Variants in LACTB observed in about 807,000 individuals in gnomAD.
The protein encoded by LACTB is lactamase beta, also known as serine beta-lactamase-like protein LACTB, mitochondrial.
A neutral mutation model predicts 50.2 loss-of-function variants in LACTB; 35 were observed. That is an observed-to-expected ratio of 0.70 (90% CI 0.53 to 0.92). The LOEUF (loss-of-function observed/expected upper bound fraction) is 0.92, where lower values mean the gene tolerates loss of function less well. Ranked by LOEUF, LACTB falls within the 40% of genes least tolerant of loss-of-function variation. LACTB has a pLI of 0.00. For missense variants in LACTB, 664 were observed against 691.8 expected (o/e 0.96, Z 0.45); for synonymous variants, 252 against 268.2 (o/e 0.94, Z 0.59).
rs764053537 is a variant in LACTB, at chr15:63,141,633, G to A, written c.1472G>A (p.Gly491Asp). Residue 491 changes from glycine (G) to aspartate (D), a missense_variant, in exon 6 of 6, where the codon GGT becomes GAT. By Grantham distance (94) the Gly-to-Asp change is moderately conservative. Coordinates refer to ENST00000261893, the MANE Select transcript of LACTB (RefSeq NM_032857.5). ...HYASHTGGAV[G>D]ASSVLLVLPE... ...GCTTCACATACTGGAGGGGCAGTGG[G>A]TGCCAGTAGTGTCCTGCTGGTCCTT... is the stretch of plus-strand genomic sequence containing the variant. 1 of 1,614,084 alleles carries A rather than the reference G, an allele frequency of 6.2e-7. No individual in the cohort carries two copies. The highest frequency in any genetic ancestry group is 1.3e-5 in the African/African-American group (1 of 74,930).
chr15:63,125,297 A>G (rs1239575491), intron 2 of LACTB, among the ~76,000 whole-genome samples: 1 of 151,288 alleles, frequency 6.6e-6, no homozygotes, highest in Non-Finnish European at 1.5e-5. Context: ...CCTCCCGATT[A>G]GCTGGGATTA....
At chr15:63,139,538 A>G (rs1252908644) in intron 5 of LACTB, among the ~76,000 whole-genome samples, 1 of 152,202 alleles carries the variant, frequency 6.6e-6, no homozygotes, top group Non-Finnish European at 1.5e-5. Flanking sequence ...CTGTAATCCC[A>G]GCTACTCGGG....
rs141488054 is a variant in LACTB at position 63,138,919 on chromosome 15, C to T, written c.1119-2361C>T. Among the ~76,000 whole-genome samples the T allele has an allele frequency of 6.2e-3, 939 of 150,710 alleles. 5 individuals carry two copies. Among genetic ancestry groups the T allele is most frequent in the Non-Finnish European group, 9.3e-3 (631 of 67,722 alleles). ...TATATTAGCTGTGCGTGGTGGTGGG[C>T]GCCTGTAATCCCAGCTACTCAGGAG... On this transcript the variant is annotated intron_variant, in intron 5 of 5. Transcript: ENST00000261893.
chr15:63,126,410 C>T (rs1034564141), intron 2 of LACTB, among the ~76,000 whole-genome samples: 1 of 152,170 alleles, frequency 6.6e-6, no homozygotes, highest in African/African-American at 2.4e-5. Context: ...CCAAAGTGCT[C>T]AGATTATAGG....
At chr15:63,137,747 A>T (rs531434935) in intron 5 of LACTB, among the ~76,000 whole-genome samples, 1 of 152,176 alleles carries the variant, frequency 6.6e-6, no homozygotes, top group Non-Finnish European at 1.5e-5. Context: ...CCCGTTAACC[A>T]TCCCCCACCT....
intron 1 of LACTB, 34 bp from the exon 2 acceptor site, chr15:63,122,602 C>T: frequency 1.9e-6 from 3 of 1,555,950 alleles, no homozygotes; most frequent in Non-Finnish European, 2.7e-6. Context: ...TTCAGCAGGC[C>T]CGTAACTGTC....
intron 5 of LACTB, among the ~76,000 whole-genome samples, chr15:63,132,244 C>T (rs1021308528): frequency 6.6e-6 from 1 of 152,108 alleles, no homozygotes; most frequent in Admixed American, 6.5e-5. Context: ...CTCTTGTTTC[C>T]ATCTTTATGT....
chr15:63,132,333 C>T (rs12441822), intron 5 of LACTB, among the ~76,000 whole-genome samples: 13,325 of 152,200 alleles, frequency 0.088, 954 homozygotes, highest in Admixed American at 0.23. Flanking sequence ...CATTAATTCA[C>T]TTAGGATAAT....
In LACTB at chr15:63,127,641, A is replaced by G. The variant is rs142381405; in HGVS notation, c.904A>G (p.Ile302Val). ...TTTGAGAGAAAAGTTTGAAAATTCA[A>G]TTGAATCCCTAAGATTATTTAAAAA... is the stretch of plus-strand genomic sequence containing the variant. ...LYLREKFENSIESLRLFKNDP... is the reference protein window; with the variant it reads ...LYLREKFENSVESLRLFKNDP... The change falls in exon 4 of 6, where the codon ATT becomes GTT. Residue 302 changes from isoleucine (I) to valine (V), a missense_variant. Physicochemically the swap from Ile to Val is conservative, Grantham distance 29 (BLOSUM62 3). Coordinates refer to ENST00000261893, the MANE Select transcript of LACTB (RefSeq NM_032857.5). The G allele has an allele frequency of 1.9e-4, 309 of 1,608,716 alleles. No individual in the cohort carries two copies. Among genetic ancestry groups the G allele is most frequent in the African/African-American group, 7.1e-4 (53 of 74,836 alleles).
intron 5 of LACTB, among the ~76,000 whole-genome samples, chr15:63,139,915 G>A (rs1209617233): frequency 6.9e-6 from 1 of 144,674 alleles, no homozygotes; most frequent in African/African-American, 2.6e-5. Flanking sequence ...CTGGACAACA[G>A]TGAGACCTTC....
At chr15:63,124,837 T>G (rs112307277) in intron 2 of LACTB, among the ~76,000 whole-genome samples, 22 of 152,022 alleles carry the variant, frequency 1.4e-4, no homozygotes, top group African/African-American at 4.8e-4. Flanking sequence ...GCCTGTAATC[T>G]CAGCTACTCG....
At chr15:63,139,336 C>T (rs1483778442) in intron 5 of LACTB, among the ~76,000 whole-genome samples, 1 of 149,134 alleles carries the variant, frequency 6.7e-6, no homozygotes, top group Non-Finnish European at 1.5e-5. Context: ...AGCCTGGGCA[C>T]CAGAGCAAGA....
intron 5 of LACTB, chr15:63,131,187 G>C (rs779779650): frequency 2.0e-5 from 3 of 152,260 alleles, no homozygotes; most frequent in Non-Finnish European, 2.9e-5. Flanking sequence ...GGCTGCTCGG[G>C]AGTCTGAGGC....
intron 5 of LACTB, among the ~76,000 whole-genome samples, chr15:63,134,337 C>A (rs889374726): frequency 6.6e-6 from 1 of 152,108 alleles, no homozygotes; most frequent in African/African-American, 2.4e-5. Context: ...CACCAAAATG[C>A]AGTGGCGTGA....
intron 5 of LACTB, among the ~76,000 whole-genome samples, chr15:63,139,021 G>A (rs1317752624): frequency 2.1e-5 from 3 of 142,820 alleles, no homozygotes; most frequent in African/African-American, 8.0e-5. Context: ...TCCAGCCTAG[G>A]TGAAAGAGCA....
intron 5 of LACTB, among the ~76,000 whole-genome samples, chr15:63,132,872 A>G (rs1041324295): frequency 6.6e-6 from 1 of 152,216 alleles, no homozygotes; most frequent in African/African-American, 2.4e-5. Context: ...TATCTAAAAT[A>G]ATTGAACACT....
intron 1 of LACTB, 192 bp from the exon 2 acceptor site, chr15:63,122,444 T>G: frequency 1.5e-6 from 1 of 684,114 alleles, no homozygotes; most frequent in East Asian, 2.7e-5. Flanking sequence ...GGACCGCCCC[T>G]TCCCCCTAGG....
chr15:63,121,996 G>A lies in LACTB; in HGVS notation c.125G>A (p.Gly42Glu). The change falls in exon 1 of 6, where the codon GGG becomes GAG. Residue 42 changes from glycine to glutamate, a missense_variant. Transcript: ENST00000261893. ...GLPPLGHGWV[G>E]GLGLGLGLAL... ...CCGCCTCTCGGCCACGGCTGGGTCGGGGGCCTCGGGCTGGGGCTGGGGCTG... is the reference window on the plus strand; with the variant it reads ...CCGCCTCTCGGCCACGGCTGGGTCGAGGGCCTCGGGCTGGGGCTGGGGCTG... The A allele has an allele frequency of 7.3e-7, 1 of 1,369,104 alleles. No homozygotes were observed. The highest frequency in any genetic ancestry group is 3.1e-5 in the East Asian group (1 of 32,740). The allele number at this position is 1,369,104 out of a possible 1,614,324, so 84.8% of individuals were successfully genotyped here.
At position 63,122,711 on chromosome 15, in the gene LACTB, A is replaced by C; in HGVS notation, c.424+9A>C. On this transcript the variant is annotated intron_variant, in intron 2 of 5. Transcript: ENST00000261893. ...AGAAGTCTGGTCAGAAGGTGGGTTC[A>C]GAAAATTGTTGTTTTGTTCTGTGCC... is the stretch of plus-strand genomic sequence containing the variant. 1.2e-6 allele frequency: 2 copies of C among 1,602,548 alleles called. No individual in the cohort carries two copies. Among genetic ancestry groups the C allele is most frequent in the Non-Finnish European group, 1.7e-6 (2 of 1,169,394 alleles).
Sources: allele counts gnomAD v4.1 joint callset (sites outside exome capture counted in the v4.1 genomes callset), GRCh38; gene constraint gnomAD v4.1.1; transcripts MANE v1.5; gene names NCBI Gene and HGNC (gene_info 2026-07-23, HGNC 2026-07-21).